Variants in PDE9A observed in about 807,000 individuals in gnomAD.
PDE9A encodes high affinity cGMP-specific 3',5'-cyclic phosphodiesterase 9A.
Under a neutral mutation model 87.4 loss-of-function variants are expected in PDE9A, and 60 were observed. The observed-to-expected ratio is 0.69, with a 90% CI of 0.56 to 0.85. The LOEUF is 0.85. PDE9A is among the 40% of genes least tolerant of loss of function. The pLI, the probability that PDE9A is intolerant of heterozygous loss-of-function variation, is 0.00. For missense variants in PDE9A, 665 were observed against 779.0 expected (o/e 0.85, Z 1.74); for synonymous variants, 272 against 279.4 (o/e 0.97, Z 0.27).
intron 16 of PDE9A, chr21:42,768,726 C>A (rs2147180741): frequency 2.0e-6 from 2 of 985,440 alleles, no homozygotes; most frequent in East Asian, 2.3e-4. Context: ...AATACAACAG[C>A]TTGATGAACC....
chr21:42,752,650 C>T (rs774795030), intron 9 of PDE9A, among the ~76,000 whole-genome samples: 2 of 152,192 alleles, frequency 1.3e-5, no homozygotes, highest in Non-Finnish European at 2.9e-5. Flanking sequence ...CCCAGGGAGC[C>T]GTGAAGCACA....
At chr21:42,745,219 G>T (rs1435042004) in intron 8 of PDE9A, among the ~76,000 whole-genome samples, 1 of 152,226 alleles carries the variant, frequency 6.6e-6, no homozygotes, top group African/African-American at 2.4e-5. Context: ...AGCCCCGGGG[G>T]CCTGGCCTCG....
intron 1 of PDE9A, among the ~76,000 whole-genome samples, chr21:42,683,385 C>G (rs2059272208): frequency 6.6e-6 from 1 of 152,256 alleles, no homozygotes; most frequent in South Asian, 2.1e-4. Context: ...GAATCACGAG[C>G]TCTGGCCTCC....
intron 1 of PDE9A, among the ~76,000 whole-genome samples, chr21:42,663,601 C>T (rs565684856): frequency 3.0e-5 from 4 of 132,804 alleles, no homozygotes; most frequent in South Asian, 4.7e-4. Flanking sequence ...CCTGGCAGTG[C>T]CCCCCGTCTT....
intron 1 of PDE9A, among the ~76,000 whole-genome samples, chr21:42,674,387 C>T (rs1185366187): frequency 7.0e-6 from 1 of 142,790 alleles, no homozygotes; most frequent in Admixed American, 7.3e-5. Flanking sequence ...GTGAGAAATT[C>T]TTTAACACTC....
At chr21:42,691,963 A>G (rs1294506412) in intron 3 of PDE9A, among the ~76,000 whole-genome samples, 3 of 152,136 alleles carry the variant, frequency 2.0e-5, no homozygotes, top group East Asian at 3.8e-4. Context: ...CCCCTTCACC[A>G]TCTCCATCCA....
chr21:42,693,882 A>G (rs1254726340), intron 3 of PDE9A, among the ~76,000 whole-genome samples: 1 of 152,002 alleles, frequency 6.6e-6, no homozygotes, highest in East Asian at 1.9e-4. Context: ...GTGAGCCACC[A>G]TGCCCAGCCC....
At chr21:42,726,716 C>T (rs1306397074) in intron 4 of PDE9A, among the ~76,000 whole-genome samples, 5 of 145,708 alleles carry the variant, frequency 3.4e-5, no homozygotes, top group Non-Finnish European at 7.5e-5. Context: ...CAACCTCGAC[C>T]TCCCAAAGTG....
intron 8 of PDE9A, among the ~76,000 whole-genome samples, chr21:42,748,727 G>A (rs1054202796): frequency 1.3e-5 from 2 of 152,080 alleles, no homozygotes; most frequent in African/African-American, 2.4e-5. Flanking sequence ...GCGTTGTGTA[G>A]TCTTTTTTTT....
At chr21:42,687,281 G>A (rs1038036741) in intron 2 of PDE9A, among the ~76,000 whole-genome samples, 4 of 152,196 alleles carry the variant, frequency 2.6e-5, no homozygotes, top group African/African-American at 9.6e-5. Flanking sequence ...AATAGCCCAT[G>A]GTCTGGGGCA....
chr21:42,689,876 G>A, intron 3 of PDE9A: 2 of 959,330 alleles, frequency 2.1e-6, no homozygotes, highest in Non-Finnish European at 2.5e-6. Context: ...AGATGGAGAA[G>A]ATGGAGACAC....
chr21:42,772,556 A>G, intron 19 of PDE9A, 36 bp downstream of exon 19: 1 of 1,364,168 alleles, frequency 7.3e-7, no homozygotes, highest in South Asian at 1.2e-5. Flanking sequence ...ATCTCAGCGC[A>G]TACAATGATT....
At chr21:42,679,671 G>GGA (rs1298387249) in intron 1 of PDE9A, among the ~76,000 whole-genome samples, 2 of 152,094 alleles carry the variant, frequency 1.3e-5, no homozygotes, top group African/African-American at 4.8e-5. Flanking sequence ...GCCTTTCCAC[G>GGA]GAGGGCCCAA....
chr21:42,685,292 C>A (rs570214146), intron 1 of PDE9A, among the ~76,000 whole-genome samples: 2 of 152,362 alleles, frequency 1.3e-5, no homozygotes, highest in South Asian at 4.1e-4. Context: ...CCACCACAGC[C>A]CCGGCGGCAC....
rs1555918362 is a variant in PDE9A, at chr21:42,714,015, A to AAT, written c.262+15005_262+15006dup. ...TTGTTAAAACTTTTTTTTTCATTCC[A>AAT]ATTTTTTTTTTTTTTTTTTTTGAGA... On this transcript the variant is annotated intron_variant, in intron 4 of 19. Coordinates refer to ENST00000291539, the MANE Select transcript of PDE9A (RefSeq NM_002606.3). 5.5e-4 allele frequency among the ~76,000 whole-genome samples: 41 copies of AAT among 74,516 alleles called. 1 individual carries two copies. The highest frequency in any genetic ancestry group is 3.2e-4 in the Non-Finnish European group (13 of 40,046). The allele number at this position is 74,516 out of a possible 152,430, so 48.9% of individuals were successfully genotyped here.
intron 7 of PDE9A, among the ~76,000 whole-genome samples, chr21:42,742,558 C>T (rs1184301533): frequency 2.6e-5 from 4 of 151,006 alleles, no homozygotes; most frequent in Admixed American, 1.3e-4. Context: ...CTCCGCCTCC[C>T]GGGTTCAAGC....
rs1694680469 is a variant in PDE9A, at chr21:42,760,486, G to A, written c.1002+54G>A. On this transcript the variant is annotated intron_variant, in intron 12 of 19. Coordinates refer to ENST00000291539, the MANE Select transcript of PDE9A (RefSeq NM_002606.3). This position sits in a 1 kb window ranked among gnomAD's most constrained non-coding sequence, Gnocchi z 5.2. ...CTCTACTCTCGGGGGTCAGACGGAG[G>A]CCCCCTTCCAGGGAGCGGCAGCCCC... 11 of 1,112,322 alleles carry A rather than the reference G, an allele frequency of 9.9e-6. No homozygotes were observed. The highest frequency in any genetic ancestry group is 2.0e-4 in the Middle Eastern group (1 of 5,038). The allele number at this position is 1,112,322 out of a possible 1,614,324, so 68.9% of individuals were successfully genotyped here.
intron 7 of PDE9A, 122 bp from the exon 8 acceptor site, chr21:42,743,654 G>A: frequency 1.6e-6 from 1 of 640,670 alleles, no homozygotes; most frequent in Non-Finnish European, 2.8e-6. Flanking sequence ...GCAGGTGTGG[G>A]GACCTCTGCA....
chr21:42,775,374 G>T lies in PDE9A; in HGVS notation c.*81G>T. The T allele has an allele frequency of 8.5e-7, 1 of 1,170,146 alleles. No individual in the cohort carries two copies. 72.5% of individuals were successfully genotyped at this position (1,170,146 alleles called of 1,614,324 possible). A position where few individuals can be genotyped will look rare whatever the true frequency, so the allele number is the denominator to read the frequency against. Reference sequence around the variant, plus strand: ...CCTTGTGCAGGGAAGAGCTGCCCTGGGCACCTGGCACCACAAGACCATGTT... The same window carrying T: ...CCTTGTGCAGGGAAGAGCTGCCCTGTGCACCTGGCACCACAAGACCATGTT... On this transcript the variant is annotated 3_prime_UTR_variant, in exon 20 of 20. Coordinates refer to ENST00000291539, the MANE Select transcript of PDE9A (RefSeq NM_002606.3).
Sources: gnomAD v4.1 joint callset for allele counts (sites outside exome capture counted in the v4.1 genomes callset) on GRCh38, gnomAD v4.1.1 for gene constraint, Gnocchi (gnomAD v3.1) non-coding constraint, MANE v1.5 for transcripts, NCBI Gene and HGNC (gene_info 2026-07-23, HGNC 2026-07-21) for gene names.